Variants in DNAH17 observed in about 807,000 individuals in gnomAD.
The protein encoded by DNAH17 is dynein axonemal heavy chain 17, also known as axonemal beta dynein heavy chain 17.
DNAH17 carries 376 observed loss-of-function variants against 485.6 expected under a neutral mutation model. The ratio of observed to expected loss-of-function variants is 0.77; its 90% CI spans 0.71 to 0.84. The LOEUF is 0.84. Among genes scored for constraint, DNAH17 ranks in the 40% least tolerant of loss-of-function variants. The pLI is 0.00. For synonymous variants in DNAH17, 3,031 were observed against 2,405.9 expected, an observed-to-expected ratio of 1.26 and a Z score of -7.60; for missense variants, 6,370 against 5,839.3, an observed-to-expected ratio of 1.09 and a Z score of -2.96.
At chr17:78,517,804 CA>C (rs1410929415) in intron 25 of DNAH17, among the ~76,000 whole-genome samples, 1 of 152,148 alleles carries the variant, frequency 6.6e-6, no homozygotes, top group Non-Finnish European at 1.5e-5. Flanking sequence ...CTCTCTCTTA[CA>C]ACTGAAAAAC....
In DNAH17 at chr17:78,502,663, G is replaced by T; in HGVS notation, c.5118C>A (p.Thr1706=). The part of the protein sequence containing the change: ...ALTCTQIWWT[T]EVGLAFARLE... ...GCCTGGCAAATGCCAGGCCCACCTC[G>T]GTCGTCCACCAGATCTGGGTGCAAG... is the stretch of plus-strand genomic sequence containing the variant. Residue 1706 remains threonine, a synonymous_variant, in exon 33 of 81, where the codon ACC becomes ACA. Coordinates refer to ENST00000389840, the MANE Select transcript of DNAH17 (RefSeq NM_173628.4). 11 of 1,612,716 alleles carry T rather than the reference G, an allele frequency of 6.8e-6. No homozygotes were observed. The highest frequency in any genetic ancestry group is 9.3e-6 in the Non-Finnish European group (11 of 1,179,916).
At chr17:78,560,479 TCC>T (rs61060108) in intron 13 of DNAH17, among the ~76,000 whole-genome samples, 428 of 151,770 alleles carry the variant, frequency 2.8e-3, no homozygotes, top group Middle Eastern at 6.8e-3. Flanking sequence ...AAAGACTTTT[TCC>T]CCCCCCCCAG....
chr17:78,528,125 G>A (rs2091126793), intron 22 of DNAH17, among the ~76,000 whole-genome samples: 1 of 151,934 alleles, frequency 6.6e-6, no homozygotes, highest in Non-Finnish European at 1.5e-5. Flanking sequence ...TGAACTTTTT[G>A]CCTGCAGTGG....
chr17:78,572,832 T>C lies in DNAH17; in HGVS notation c.408A>G (p.Glu136=), dbSNP rs1913168036. The change falls in exon 3 of 81, where the codon GAA becomes GAG. Residue 136 remains glutamate (E), a synonymous_variant. Coordinates refer to ENST00000389840, the MANE Select transcript of DNAH17 (RefSeq NM_173628.4). ...NMAGWPQVVS[E]DIVKQVHRLK... is the part of the protein sequence containing the mutation. Reference sequence around the variant, plus strand: ...GCCTGTGGACCTGCTTCACGATGTCTTCCGAGACCACCTGGGGCCATCCAG... The same window carrying C: ...GCCTGTGGACCTGCTTCACGATGTCCTCCGAGACCACCTGGGGCCATCCAG... 1.2e-6 allele frequency: 2 copies of C among 1,613,994 alleles called. No individual in the cohort carries two copies. Among genetic ancestry groups the C allele is most frequent in the Non-Finnish European group, 1.7e-6 (2 of 1,179,892 alleles).
At chr17:78,433,934 AGG>A in intron 75 of DNAH17, 93 bp downstream of exon 75, 2 of 846,976 alleles carry the variant, frequency 2.4e-6, no homozygotes, top group African/African-American at 3.2e-5. Flanking sequence ...GGAAGGAGGG[AGG>A]GAAGGAGGGA....
At chr17:78,528,115 T>A (rs986180816) in intron 22 of DNAH17, among the ~76,000 whole-genome samples, 21 of 152,226 alleles carry the variant, frequency 1.4e-4, no homozygotes, top group African/African-American at 5.1e-4. Flanking sequence ...TCCCAGCCCA[T>A]GAACTTTTTG....
At chr17:78,538,276 G>T (rs1258112020) in intron 18 of DNAH17, among the ~76,000 whole-genome samples, 1 of 152,160 alleles carries the variant, frequency 6.6e-6, no homozygotes, top group Admixed American at 6.6e-5. Flanking sequence ...CTCTCCCTTG[G>T]AAGTCCCCGT....
At chr17:78,539,941 A>G in intron 17 of DNAH17, 61 bp from the exon 18 acceptor site, 1 of 1,488,356 alleles carries the variant, frequency 6.7e-7, no homozygotes, top group Non-Finnish European at 9.0e-7. Flanking sequence ...CTTTGATCAC[A>G]CTGTTTAGTG....
chr17:78,450,419 A>G (rs1231910695), intron 67 of DNAH17, 25 bp from the exon 68 acceptor site: 1 of 1,612,722 alleles, frequency 6.2e-7, no homozygotes, highest in African/African-American at 1.3e-5. Flanking sequence ...AAGGGGTGTG[A>G]ATGACACAGC....
chr17:78,544,800 CAAAA>C (rs55669221), intron 16 of DNAH17, among the ~76,000 whole-genome samples: 25 of 46,878 alleles, frequency 5.3e-4, no homozygotes, highest in East Asian at 4.3e-3. Flanking sequence ...GACTCAGTCT[CAAAA>C]AAAAAAAAAA....
At chr17:78,490,420 T>C (rs1030612921) in intron 44 of DNAH17, among the ~76,000 whole-genome samples, 1 of 152,180 alleles carries the variant, frequency 6.6e-6, no homozygotes, top group Admixed American at 6.5e-5. Flanking sequence ...ACTTCCCACC[T>C]CCACAGAGGC....
chr17:78,502,392 A>G, intron 33 of DNAH17, 199 bp downstream of exon 33: 1 of 489,184 alleles, frequency 2.0e-6, no homozygotes, highest in Non-Finnish European at 3.6e-6. Context: ...GGTGTCTGTT[A>G]CTCGTGGGGA....
chr17:78,458,250 G>A (rs1568080044), intron 62 of DNAH17, among the ~76,000 whole-genome samples: 2 of 152,230 alleles, frequency 1.3e-5, no homozygotes, highest in Non-Finnish European at 2.9e-5. Flanking sequence ...CACTGGCTGC[G>A]AAAGGATCCT....
chr17:78,494,881 G>C, intron 39 of DNAH17, 61 bp from the exon 40 acceptor site: 1 of 1,574,314 alleles, frequency 6.4e-7, no homozygotes, highest in Non-Finnish European at 8.6e-7. Context: ...CAGCAGGCAG[G>C]TCTGGAAGCC....
chr17:78,501,573 G>T (rs1742467934), intron 34 of DNAH17, 169 bp downstream of exon 34: 6 of 1,041,780 alleles, frequency 5.8e-6, no homozygotes, highest in African/African-American at 1.6e-5. Context: ...GCTGTGTGTT[G>T]CTCACCAGGG....
chr17:78,469,210 C>T (rs1017347670), intron 54 of DNAH17, among the ~76,000 whole-genome samples: 16 of 152,110 alleles, frequency 1.1e-4, no homozygotes, highest in African/African-American at 3.9e-4. Flanking sequence ...GATGCAATCT[C>T]GGCTCACTGC....
In DNAH17 at chr17:78,484,876, G is replaced by A. The variant is rs1170078990; in HGVS notation, c.7641C>T (p.His2547=). The A allele has an allele frequency of 1.3e-6, 2 of 1,563,024 alleles. No individual in the cohort carries two copies. The highest frequency in any genetic ancestry group is 1.2e-5 in the South Asian group (1 of 85,114). ...PHTLIRQHMD[H]RHWYDRHKLT... is the part of the protein sequence containing the mutation. ...GCCCCGCCCCGTCTAACCAGTGCCG[G>A]TGGTCCATGTGCTGCCGGATGAGGG... The change falls in exon 48 of 81, where the codon CAC becomes CAT. Residue 2547 remains histidine (H), a synonymous_variant. Coordinates refer to ENST00000389840, the MANE Select transcript of DNAH17 (RefSeq NM_173628.4).
rs1417358952 is a variant in DNAH17 at position 78,507,506 on chromosome 17, C to G, written c.4536G>C (p.Gln1512His). The change falls in exon 28 of 81, where the codon CAG (glutamine) becomes CAC (histidine). Residue 1512 changes from glutamine to histidine, a missense_variant. By Grantham distance (24) the Gln-to-His change is conservative (BLOSUM62 0). Transcript: ENST00000389840. The part of the protein sequence containing the change: ...IFIGSEDIRT[Q>H]LPGDSQRFDD... ...CAAAGCGCTGGGAGTCCCCCGGGAGCTGGGTGCGGATGTCTTCGGAGCCGA... is the reference window on the plus strand; with the variant it reads ...CAAAGCGCTGGGAGTCCCCCGGGAGGTGGGTGCGGATGTCTTCGGAGCCGA... The G allele has an allele frequency of 6.2e-7, 1 of 1,613,434 alleles. No homozygotes were observed. The highest frequency in any genetic ancestry group is 8.5e-7 in the Non-Finnish European group (1 of 1,179,358).
chr17:78,536,752 G>A (rs1315267612), intron 19 of DNAH17, among the ~76,000 whole-genome samples: 1 of 149,666 alleles, frequency 6.7e-6, no homozygotes, highest in East Asian at 2.1e-4. Context: ...GTGTCGGGGG[G>A]TTGGAAGGAT....
Sources: gnomAD v4.1 joint callset for allele counts (sites outside exome capture counted in the v4.1 genomes callset) on GRCh38, gnomAD v4.1.1 for gene constraint, MANE v1.5 for transcripts, NCBI Gene and HGNC (gene_info 2026-07-23, HGNC 2026-07-21) for gene names.